TPH2: variants seen among roughly 807,000 people sequenced by gnomAD.
TPH2 encodes the protein tryptophan 5-hydroxylase 2.
In TPH2, 27 loss-of-function variants were observed where a neutral mutation model predicts 59.1. The ratio of observed to expected loss-of-function variants is 0.46; its 90% CI spans 0.34 to 0.63. TPH2 has a LOEUF of 0.63. Among genes scored for constraint, TPH2 ranks in the 30% least tolerant of loss-of-function variants. TPH2 has a pLI of 0.01. For synonymous variants in TPH2, 220 were observed against 210.5 expected, an observed-to-expected ratio of 1.05 and a Z score of -0.39; for missense variants, 523 against 588.3, an observed-to-expected ratio of 0.89 and a Z score of 1.15.
At chr12:71,952,236 T>C (rs1001108316) in intron 5 of TPH2, among the ~76,000 whole-genome samples, 3 of 152,074 alleles carry the variant, frequency 2.0e-5, no homozygotes, top group African/African-American at 7.2e-5. Flanking sequence ...TTTGCATAGC[T>C]AAAGAGTAAG....
chr12:71,979,036 A>T lies in TPH2; in HGVS notation c.890A>T (p.His297Leu). 1 of 1,614,116 alleles carries T rather than the reference A, an allele frequency of 6.2e-7. No homozygotes were observed. The highest frequency in any genetic ancestry group is 8.5e-7 in the Non-Finnish European group (1 of 1,179,990). The change falls in exon 7 of 11, where the codon CAC becomes CTC. Residue 297 changes from histidine (H) to leucine (L), a missense_variant. Transcript: ENST00000333850. ...GCAGGACTGGCCTACAGAGTGTTCC[A>T]CTGTACCCAGTACATCCGGCATGGC... is the stretch of plus-strand genomic sequence containing the variant. ...FLAGLAYRVF[H>L]CTQYIRHGSD...
rs10506644 is a variant in TPH2, at chr12:71,961,651, A to G, written c.609-10868A>G. On this transcript the variant is annotated intron_variant, in intron 5 of 10. Coordinates refer to ENST00000333850, the MANE Select transcript of TPH2 (RefSeq NM_173353.4). ...AGCTCCTTGTGTATGTTGAGCGTGC[A>G]CATATTGATGGATGTTAGATCCATT... is the stretch of plus-strand genomic sequence containing the variant. 3.2e-3 allele frequency: 4,334 copies of G among 1,352,100 alleles called. 122 individuals are homozygous for G. In the African/African-American group the frequency reaches 0.059, roughly 18 times the overall value. The allele number at this position is 1,352,100 out of a possible 1,614,324, so 83.8% of individuals were successfully genotyped here.
intron 8 of TPH2, among the ~76,000 whole-genome samples, chr12:72,019,806 G>A (rs1255412506): frequency 6.6e-6 from 1 of 152,186 alleles, no homozygotes; most frequent in Non-Finnish European, 1.5e-5. Flanking sequence ...TGTAGAATAG[G>A]TGAATGAATG....
At chr12:71,953,733 C>T (rs886917481) in intron 5 of TPH2, among the ~76,000 whole-genome samples, 9 of 152,052 alleles carry the variant, frequency 5.9e-5, no homozygotes, top group South Asian at 2.1e-4. Context: ...AAAAATCTGG[C>T]GTATGCAGTC....
At chr12:72,019,880 A>G (rs925234270) in intron 8 of TPH2, among the ~76,000 whole-genome samples, 2 of 152,204 alleles carry the variant, frequency 1.3e-5, no homozygotes, top group African/African-American at 2.4e-5. Flanking sequence ...CAGGAAAACT[A>G]CAACCCCGGG....
chr12:71,997,131 C>T (rs1338125564), intron 8 of TPH2, among the ~76,000 whole-genome samples: 1 of 152,110 alleles, frequency 6.6e-6, no homozygotes, highest in Admixed American at 6.6e-5. Flanking sequence ...TTCTTGAGGC[C>T]GTCTGCATTC....
At chr12:71,986,846 G>A (rs1872451562) in intron 7 of TPH2, among the ~76,000 whole-genome samples, 1 of 152,062 alleles carries the variant, frequency 6.6e-6, no homozygotes, top group Admixed American at 6.6e-5. Flanking sequence ...GAGATGACCA[G>A]GGAGAAATTT....
chr12:71,999,046 A>T lies in TPH2; in HGVS notation c.1068+4481A>T, dbSNP rs1420005497. Among the ~76,000 whole-genome samples, 5 of 152,228 alleles carry T rather than the reference A, an allele frequency of 3.3e-5. No individual in the cohort carries two copies. The East Asian group carries it at 7.7e-4, about 23-fold the overall frequency. On this transcript the variant is annotated intron_variant, in intron 8 of 10. Coordinates refer to ENST00000333850, the MANE Select transcript of TPH2 (RefSeq NM_173353.4). The stretch of plus-strand genomic sequence containing the variant: ...AATAACTTTCTGTGATGTGCTATCG[A>T]CAAATCCATCTAAAGAAGAAAACCA...
At chr12:72,014,789 G>T (rs920856625) in intron 8 of TPH2, among the ~76,000 whole-genome samples, 1 of 152,152 alleles carries the variant, frequency 6.6e-6, no homozygotes, top group Non-Finnish European at 1.5e-5. Flanking sequence ...GTGATTCTTA[G>T]GAGTATTTGG....
At position 71,942,273 on chromosome 12, in the gene TPH2, T is replaced by A. The variant is rs139796259; in HGVS notation, c.255+540T>A. ...TAGCTCTTCCCTTATCTTATAGAAA[T>A]GTTCATAGCATCTTCTCAGGCCCAA... On this transcript the variant is annotated intron_variant, in intron 2 of 10. Coordinates refer to ENST00000333850, the MANE Select transcript of TPH2 (RefSeq NM_173353.4). 2.0e-3 allele frequency among the ~76,000 whole-genome samples: 309 copies of A among 152,256 alleles called. 4 individuals carry two copies. The highest frequency in any genetic ancestry group is 0.018 in the East Asian group (95 of 5,182).
chr12:72,025,705 T>G (rs1873549598), intron 9 of TPH2, among the ~76,000 whole-genome samples: 1 of 152,168 alleles, frequency 6.6e-6, no homozygotes. Flanking sequence ...GTGGGGCTTT[T>G]CCATACCTTT....
chr12:71,972,259 A>C (rs1288899376), intron 5 of TPH2, among the ~76,000 whole-genome samples: 1 of 152,242 alleles, frequency 6.6e-6, no homozygotes, highest in East Asian at 1.9e-4. Flanking sequence ...TCAGTTTAAG[A>C]ACATAAATCT....
chr12:71,938,954 C>T lies in TPH2; in HGVS notation c.-33C>T. On this transcript the variant is annotated 5_prime_UTR_variant, in exon 1 of 11. Coordinates refer to ENST00000333850, the MANE Select transcript of TPH2 (RefSeq NM_173353.4). ...GCTGCTACTGCCCCTCTAGTACCCC[C>T]TGCTGCAGAGAAAGAATATTACACC... The T allele has an allele frequency of 6.3e-7, 1 of 1,575,538 alleles. No homozygotes were observed. Among genetic ancestry groups the T allele is most frequent in the Non-Finnish European group, 8.7e-7 (1 of 1,145,334 alleles).
At chr12:71,992,407 AACCCCC>A (rs967767618) in intron 7 of TPH2, among the ~76,000 whole-genome samples, 29 of 151,768 alleles carry the variant, frequency 1.9e-4, no homozygotes, top group Non-Finnish European at 4.1e-4. Flanking sequence ...CATTGTGAGG[AACCCCC>A]ACCCCCACCC....
chr12:72,012,664 G>T (rs1200465886), intron 8 of TPH2, among the ~76,000 whole-genome samples: 1 of 152,226 alleles, frequency 6.6e-6, no homozygotes, highest in Non-Finnish European at 1.5e-5. Flanking sequence ...TCTTGGAGAT[G>T]GGAGTATCTT....
chr12:71,981,712 T>TGGAGGGAAGAGAAAAGGAAAGAG (rs1470631859), intron 7 of TPH2, among the ~76,000 whole-genome samples: 1 of 151,884 alleles, frequency 6.6e-6, no homozygotes, highest in Non-Finnish European at 1.5e-5. Context: ...GGATCAAGCT[T>TGGAGGGAAGAGAAAAGGAAAGAG]GGAGGGAAGA....
intron 5 of TPH2, among the ~76,000 whole-genome samples, chr12:71,954,516 T>C (rs1871440780): frequency 6.6e-6 from 1 of 152,054 alleles, no homozygotes; most frequent in Non-Finnish European, 1.5e-5. Context: ...CATGATTAGA[T>C]AATGTGATGT....
At chr12:71,987,435 G>C (rs991363888) in intron 7 of TPH2, among the ~76,000 whole-genome samples, 3 of 152,066 alleles carry the variant, frequency 2.0e-5, no homozygotes, top group African/African-American at 7.3e-5. Flanking sequence ...CCTTCTCAAA[G>C]GGCAAAACTT....
chr12:71,967,968 T>C (rs1158094720), intron 5 of TPH2, among the ~76,000 whole-genome samples: 1 of 152,190 alleles, frequency 6.6e-6, no homozygotes, highest in East Asian at 1.9e-4. Context: ...CATGTGTTTT[T>C]TGGGGAGTTC....
Sources: allele counts gnomAD v4.1 joint callset (sites outside exome capture counted in the v4.1 genomes callset), GRCh38; gene constraint gnomAD v4.1.1; transcripts MANE v1.5; gene names NCBI Gene and HGNC (gene_info 2026-07-23, HGNC 2026-07-21).